CAMTA1: variants seen among roughly 807,000 people sequenced by gnomAD.
The protein encoded by CAMTA1 is calmodulin-binding transcription activator 1.
A neutral mutation model predicts 170.9 loss-of-function variants in CAMTA1; 27 were observed. That is an observed-to-expected ratio of 0.16 (90% confidence interval 0.12 to 0.22). The LOEUF (loss-of-function observed/expected upper bound fraction) is 0.22, where lower values mean the gene tolerates loss of function less well. Ranked by LOEUF, CAMTA1 falls within the 10% of genes least tolerant of loss-of-function variation. The pLI is 1.00. For synonymous variants in CAMTA1, 833 were observed against 891.5 expected (o/e 0.93, Z 1.17); for missense variants, 1,619 against 2,217.2 (o/e 0.73, Z 5.42).
chr1:7,213,782 C>CGG (rs1659235697), intron 4 of CAMTA1, among the ~76,000 whole-genome samples: 1 of 152,048 alleles, frequency 6.6e-6, no homozygotes, highest in Admixed American at 6.5e-5. Flanking sequence ...CAACAGGCCC[C>CGG]TGTGTGCAAT....
At chr1:7,250,905 A>G (rs976112951) in intron 5 of CAMTA1, among the ~76,000 whole-genome samples, 2 of 152,164 alleles carry the variant, frequency 1.3e-5, no homozygotes, top group African/African-American at 4.8e-5. Flanking sequence ...CTCTGGGCGC[A>G]CCTCTAGGAC....
intron 5 of CAMTA1, among the ~76,000 whole-genome samples, chr1:7,318,441 GC>G (rs1467510109): frequency 1.3e-5 from 2 of 152,196 alleles, no homozygotes; most frequent in Non-Finnish European, 2.9e-5. Context: ...GAGTTTCACA[GC>G]CATTTTCAGG....
At chr1:6,950,896 A>AG (rs1359546058) in intron 3 of CAMTA1, among the ~76,000 whole-genome samples, 1 of 152,226 alleles carries the variant, frequency 6.6e-6, no homozygotes, top group Non-Finnish European at 1.5e-5. Flanking sequence ...GGCCACCAGC[A>AG]GGAGGTGTCC....
intron 3 of CAMTA1, among the ~76,000 whole-genome samples, chr1:6,964,854 G>A (rs1691235643): frequency 1.3e-5 from 2 of 152,228 alleles, no homozygotes; most frequent in Non-Finnish European, 2.9e-5. Context: ...GGAGAGACGA[G>A]TCAGCTGAAG....
chr1:7,166,779 G>A (rs1364318026), intron 4 of CAMTA1, among the ~76,000 whole-genome samples: 1 of 149,992 alleles, frequency 6.7e-6, no homozygotes, highest in Non-Finnish European at 1.5e-5. Flanking sequence ...ATGGTGTCTT[G>A]GTGGGTAGAA....
intron 3 of CAMTA1, among the ~76,000 whole-genome samples, chr1:6,862,397 A>G (rs909691179): frequency 4.6e-5 from 7 of 152,292 alleles, no homozygotes; most frequent in South Asian, 4.1e-4. Context: ...TGTGCACACC[A>G]CATTTTGTTG....
Position 7,594,117 on chromosome 1 carries a change from G to GAGAAAGAAAGAAAGAAAGAAAGAAAGAA in CAMTA1, c.511-46259_511-46258insAGAAAGAAAGAAAGAAAGAAAGAAAGAA, listed in dbSNP as rs373681342. Among the ~76,000 whole-genome samples the GAGAAAGAAAGAAAGAAAGAAAGAAAGAA allele has an allele frequency of 1.2e-3, 159 of 130,774 alleles. 1 individual carries two copies. The highest frequency in any genetic ancestry group is 5.2e-3 in the African/African-American group (148 of 28,414). The allele number at this position is 130,774 out of a possible 152,430, so 85.8% of individuals were successfully genotyped here. The stretch of plus-strand genomic sequence containing the variant: ...AGAGGAAAGAAGAAAGAAAGAAAGA[G>GAGAAAGAAAGAAAGAAAGAAAGAAAGAA]AGAAAGAAAGAAAGAAAGAAAGAAG... On this transcript the variant is annotated intron_variant, in intron 6 of 22. Transcript: ENST00000303635.
chr1:7,338,303 A>G (rs2083546954), intron 5 of CAMTA1, among the ~76,000 whole-genome samples: 1 of 152,172 alleles, frequency 6.6e-6, no homozygotes, highest in Non-Finnish European at 1.5e-5. Context: ...TGCCACCTAT[A>G]GAGTCATGCC....
intron 5 of CAMTA1, among the ~76,000 whole-genome samples, chr1:7,361,829 T>G (rs1299083354): frequency 6.6e-6 from 1 of 152,206 alleles, no homozygotes; most frequent in African/African-American, 2.4e-5. Flanking sequence ...CAAGCTGGAT[T>G]CCTGTGTGTT....
chr1:7,317,392 G>C (rs569774315), intron 5 of CAMTA1, among the ~76,000 whole-genome samples: 30 of 152,314 alleles, frequency 2.0e-4, no homozygotes, highest in African/African-American at 7.0e-4. Context: ...CAACCTCTCT[G>C]TGGCTCCCTG....
Position 6,951,490 on chromosome 1 carries a change from G to A in CAMTA1, c.234+126280G>A, listed in dbSNP as rs1228802302. On this transcript the variant is annotated intron_variant, in intron 3 of 22. Transcript: ENST00000303635. ...TGGATGCAACAGATTCCTGTTTAAG[G>A]AACAAATGTCTCCGTTTTCTCCTCC... is the stretch of plus-strand genomic sequence containing the variant. Among the ~76,000 whole-genome samples, 4 of 152,154 alleles carry A rather than the reference G, an allele frequency of 2.6e-5. No individual in the cohort carries two copies. The East Asian group carries it at 7.7e-4, about 29-fold the overall frequency.
At chr1:6,976,160 C>T (rs1292992604) in intron 3 of CAMTA1, among the ~76,000 whole-genome samples, 2 of 152,204 alleles carry the variant, frequency 1.3e-5, no homozygotes, top group Non-Finnish European at 2.9e-5. Context: ...ACGAAACAGT[C>T]AGTGCCTGGA....
chr1:7,101,524 C>A (rs1573032297), intron 4 of CAMTA1, among the ~76,000 whole-genome samples: 1 of 152,174 alleles, frequency 6.6e-6, no homozygotes, highest in African/African-American at 2.4e-5. Context: ...CATTATGGAG[C>A]TTTCTAAAAA....
chr1:6,902,093 A>AAAT (rs1388952866), intron 3 of CAMTA1, among the ~76,000 whole-genome samples: 18 of 151,814 alleles, frequency 1.2e-4, no homozygotes, highest in Admixed American at 4.6e-4. Flanking sequence ...ATAAAAATAA[A>AAAT]AACTCGTACT....
intron 5 of CAMTA1, among the ~76,000 whole-genome samples, chr1:7,350,224 C>G (rs2084552134): frequency 6.6e-6 from 1 of 152,188 alleles, no homozygotes; most frequent in Non-Finnish European, 1.5e-5. Context: ...ACTGAGCACC[C>G]CTCATTGGCA....
intron 3 of CAMTA1, among the ~76,000 whole-genome samples, chr1:6,930,536 G>A (rs965711850): frequency 5.9e-5 from 9 of 152,268 alleles, no homozygotes; most frequent in African/African-American, 1.7e-4. Context: ...CTGGGTTTGC[G>A]CGCATGTGAG....
chr1:7,651,447 G>A (rs540358601), intron 7 of CAMTA1, among the ~76,000 whole-genome samples: 9 of 152,190 alleles, frequency 5.9e-5, no homozygotes, highest in Non-Finnish European at 1.3e-4. Context: ...CCTTCCAAGA[G>A]TTACTGCCCC....
At chr1:7,382,107 C>T (rs545357827) in intron 5 of CAMTA1, among the ~76,000 whole-genome samples, 5 of 152,304 alleles carry the variant, frequency 3.3e-5, no homozygotes, top group Admixed American at 6.5e-5. Context: ...GAGAGAACAA[C>T]GCTTTTGCCT....
At chr1:6,989,610 T>C (rs1024406968) in intron 3 of CAMTA1, among the ~76,000 whole-genome samples, 1 of 152,176 alleles carries the variant, frequency 6.6e-6, no homozygotes, top group Non-Finnish European at 1.5e-5. Flanking sequence ...AGTGAGGCAG[T>C]AAACCTCTTC....
Sources: gnomAD v4.1 joint callset for allele counts (sites outside exome capture counted in the v4.1 genomes callset) on GRCh38, gnomAD v4.1.1 for gene constraint, MANE v1.5 for transcripts, NCBI Gene and HGNC (gene_info 2026-07-23, HGNC 2026-07-21) for gene names.